PTPRA: variants seen among roughly 807,000 people sequenced by gnomAD.
PTPRA encodes the protein receptor-type tyrosine-protein phosphatase alpha.
In PTPRA, 25 loss-of-function variants were observed where a neutral mutation model predicts 104.8. That is an observed-to-expected ratio of 0.24 (90% CI 0.17 to 0.33). The LOEUF is 0.33. Ranked by LOEUF, PTPRA falls within the 10% of genes least tolerant of loss-of-function variation. The probability of loss-of-function intolerance (pLI) is 1.00; values close to 1 mark genes in which losing one functional copy is unlikely to be tolerated. For synonymous variants in PTPRA, 323 were observed against 368.9 expected, an observed-to-expected ratio of 0.88 and a Z score of 1.43; for missense variants, 765 against 1,015.3, an observed-to-expected ratio of 0.75 and a Z score of 3.35.
intron 1 of PTPRA, among the ~76,000 whole-genome samples, chr20:2,918,178 T>G (rs1251619604): frequency 2.0e-5 from 3 of 152,098 alleles, no homozygotes; most frequent in Non-Finnish European, 2.9e-5. Flanking sequence ...TTAATTACTT[T>G]GTACGTATTC....
chr20:2,988,496 G>C lies in PTPRA; in HGVS notation c.738+22G>C. On this transcript the variant is annotated intron_variant, in intron 9 of 23. Coordinates refer to ENST00000399903, the MANE Select transcript of PTPRA (RefSeq NM_001385305.1). Reference sequence around the variant, plus strand: ...CAACGTGAGTACTTTGTTGAGGCTGGTGTATCAGCAGGGAAGAAGGCAGAC... The same window carrying C: ...CAACGTGAGTACTTTGTTGAGGCTGCTGTATCAGCAGGGAAGAAGGCAGAC... 1.9e-6 allele frequency: 3 copies of C among 1,609,130 alleles called. No individual in the cohort carries two copies. The East Asian group carries it at 6.7e-5, about 36-fold the overall frequency.
chr20:2,989,064 A>G (rs376180219), intron 9 of PTPRA, among the ~76,000 whole-genome samples: 8 of 152,186 alleles, frequency 5.3e-5, no homozygotes, highest in South Asian at 4.1e-4. Context: ...CACATTTTTT[A>G]TAATTCCCAC....
intron 14 of PTPRA, 112 bp from the exon 15 acceptor site, chr20:3,021,942 G>T (rs1473903378): frequency 7.4e-7 from 1 of 1,360,290 alleles, no homozygotes; most frequent in Admixed American, 2.1e-5. Context: ...AACTCCCCTG[G>T]GTACACTTAC....
intron 1 of PTPRA, among the ~76,000 whole-genome samples, chr20:2,890,037 G>A (rs1278548640): frequency 6.7e-6 from 1 of 149,930 alleles, no homozygotes; most frequent in Non-Finnish European, 1.5e-5. Context: ...ACAGATGTAC[G>A]TCATCATGCC....
At chr20:2,980,866 T>C (rs2062645033) in intron 6 of PTPRA, among the ~76,000 whole-genome samples, 1 of 152,198 alleles carries the variant, frequency 6.6e-6, no homozygotes, top group Admixed American at 6.5e-5. Context: ...GTGCTCACAA[T>C]AGGTGTCCCT....
rs28796898 is a variant in PTPRA at position 2,910,173 on chromosome 20, C to A, written c.-128-13034C>A. On this transcript the variant is annotated intron_variant, in intron 1 of 23. Coordinates refer to ENST00000399903, the MANE Select transcript of PTPRA (RefSeq NM_001385305.1). Reference sequence around the variant, plus strand: ...ATACTATACGTCATATATAATATGACGTATAGTATATATGATATATGATAT... The same window carrying A: ...ATACTATACGTCATATATAATATGAAGTATAGTATATATGATATATGATAT... Among the ~76,000 whole-genome samples the A allele has an allele frequency of 5.3e-3, 503 of 94,386 alleles. 4 individuals are homozygous for A. The highest frequency in any genetic ancestry group is 8.8e-3 in the Non-Finnish European group (444 of 50,214). The allele number at this position is 94,386 out of a possible 152,430, so 61.9% of individuals were successfully genotyped here.
chr20:2,914,818 CTG>C lies in PTPRA; in HGVS notation c.-128-8387_-128-8386del, dbSNP rs2059842431. ...TAAAATTTATGTGTAACCCCAAAAT[CTG>C]TACTCGTAGCACTTTTATGGTCATT... On this transcript the variant is annotated intron_variant, in intron 1 of 23. Transcript: ENST00000399903. Among the ~76,000 whole-genome samples the C allele has an allele frequency of 2.6e-5, 4 of 152,272 alleles. No individual in the cohort carries two copies. The South Asian group carries it at 8.3e-4, about 32-fold the overall frequency.
chr20:3,018,991 A>C (rs1177681126), intron 13 of PTPRA, among the ~76,000 whole-genome samples: 5 of 117,298 alleles, frequency 4.3e-5, no homozygotes, highest in Admixed American at 1.7e-4. Context: ...CTGATCCCCC[A>C]ACCTCCCTCC....
intron 20 of PTPRA, among the ~76,000 whole-genome samples, chr20:3,032,183 C>A (rs2065490837): frequency 6.6e-6 from 1 of 152,318 alleles, no homozygotes; most frequent in African/African-American, 2.4e-5. Flanking sequence ...CTCTTCAAAT[C>A]TGTACCAACT....
At position 2,964,898 on chromosome 20, in the gene PTPRA, A is replaced by G. The variant is rs2061889583; in HGVS notation, c.111A>G (p.Ser37=). The G allele has an allele frequency of 6.2e-7, 1 of 1,613,944 alleles. No homozygotes were observed. Among genetic ancestry groups the G allele is most frequent in the Non-Finnish European group, 8.5e-7 (1 of 1,179,926 alleles). The part of the protein sequence containing the change: ...PSVGITRLIN[S]STAEPVKEEA... ...TAGGAATTACAAGATTAATTAACTC[A>G]TCAACGGCAGAACCAGTTAAAGAAG... Residue 37 remains serine, a synonymous_variant, in exon 5 of 24, where the codon TCA becomes TCG. Coordinates refer to ENST00000399903, the MANE Select transcript of PTPRA (RefSeq NM_001385305.1).
Position 3,022,341 on chromosome 20 carries a change from A to G in PTPRA, c.1328+121A>G. ...CACAGAGTAGATGACCTACTGGGGC[A>G]CCAGCGCAACAGCCAGAGACTCCAA... On this transcript the variant is annotated intron_variant, in intron 15 of 23. Coordinates refer to ENST00000399903, the MANE Select transcript of PTPRA (RefSeq NM_001385305.1). The surrounding 1 kb of genome is among the most constrained non-coding windows in gnomAD (Gnocchi z 4.6). 7.9e-7 allele frequency: 1 copy of G among 1,265,720 alleles called. No individual in the cohort carries two copies. Among genetic ancestry groups the G allele is most frequent in the East Asian group, 2.3e-5 (1 of 42,636 alleles). 78.4% of individuals were successfully genotyped at this position (1,265,720 alleles called of 1,614,324 possible).
chr20:3,029,575 C>T (rs1251585320), intron 20 of PTPRA, among the ~76,000 whole-genome samples: 2 of 74,392 alleles, frequency 2.7e-5, no homozygotes, highest in Non-Finnish European at 4.5e-5. Flanking sequence ...GAGTCTCTGT[C>T]ACCCAGGCTG....
chr20:3,038,244 G>A lies in PTPRA; in HGVS notation c.*111G>A. ...ATATCTTATAACTGTTTTAGAAATTGGTACATAGGCTTCTATTACCTATTA... is the reference window on the plus strand; with the variant it reads ...ATATCTTATAACTGTTTTAGAAATTAGTACATAGGCTTCTATTACCTATTA... On this transcript the variant is annotated 3_prime_UTR_variant, in exon 24 of 24. Transcript: ENST00000399903. 1.9e-6 allele frequency: 2 copies of A among 1,049,360 alleles called. No homozygotes were observed. Among genetic ancestry groups the A allele is most frequent in the Non-Finnish European group, 2.8e-6 (2 of 712,142 alleles). The allele number at this position is 1,049,360 out of a possible 1,614,324, so 65.0% of individuals were successfully genotyped here.
chr20:2,973,351 T>A (rs1044251412), intron 5 of PTPRA, among the ~76,000 whole-genome samples: 5 of 152,240 alleles, frequency 3.3e-5, no homozygotes, highest in Non-Finnish European at 2.9e-5. Flanking sequence ...AATTAACATA[T>A]TTAGTGCTGT....
At chr20:2,945,208 C>T (rs558976261) in intron 2 of PTPRA, among the ~76,000 whole-genome samples, 1 of 152,270 alleles carries the variant, frequency 6.6e-6, no homozygotes, top group Non-Finnish European at 1.5e-5. Flanking sequence ...CCATTCTTGA[C>T]TAAAATTCTT....
intron 1 of PTPRA, among the ~76,000 whole-genome samples, chr20:2,906,599 A>T (rs1167143062): frequency 6.6e-6 from 1 of 152,212 alleles, no homozygotes; most frequent in Non-Finnish European, 1.5e-5. Flanking sequence ...AGAAGAATGG[A>T]GTTCTTTTCG....
At chr20:2,962,103 A>T (rs866801357) in intron 3 of PTPRA, among the ~76,000 whole-genome samples, 2 of 152,216 alleles carry the variant, frequency 1.3e-5, no homozygotes, top group South Asian at 4.1e-4. Flanking sequence ...AAACTTTAGA[A>T]TCAGCATTTT....
chr20:2,937,331 G>A (rs1362610194), intron 2 of PTPRA, among the ~76,000 whole-genome samples: 1 of 151,804 alleles, frequency 6.6e-6, no homozygotes, highest in African/African-American at 2.4e-5. Context: ...CACCATGTTG[G>A]CCAGGATGGT....
At position 3,013,150 on chromosome 20, in the gene PTPRA, C is replaced by T. The variant is rs910695890; in HGVS notation, c.907-2699C>T. ...TCTAAATACAATTAATCTCCATTCT[C>T]ACCCCCCGGCCATCACTTAACTTTT... is the stretch of plus-strand genomic sequence containing the variant. On this transcript the variant is annotated intron_variant, in intron 11 of 23. Transcript: ENST00000399903. Among the ~76,000 whole-genome samples, 37 of 146,676 alleles carry T rather than the reference C, an allele frequency of 2.5e-4. 1 individual carries two copies. Among genetic ancestry groups the T allele is most frequent in the African/African-American group, 5.4e-5 (2 of 36,770 alleles).
Sources: allele counts gnomAD v4.1 joint callset (sites outside exome capture counted in the v4.1 genomes callset), GRCh38; gene constraint gnomAD v4.1.1; non-coding constraint Gnocchi (gnomAD v3.1); transcripts MANE v1.5; gene names NCBI Gene and HGNC (gene_info 2026-07-23, HGNC 2026-07-21).